Variants in CDH10 observed in about 807,000 individuals in gnomAD.
The protein encoded by CDH10 is cadherin-10.
CDH10 carries 30 observed loss-of-function variants against 73.1 expected under a neutral mutation model. The ratio of observed to expected loss-of-function variants is 0.41; its 90% confidence interval spans 0.31 to 0.56. The LOEUF is 0.56. Among genes scored for constraint, CDH10 ranks in the 20% least tolerant of loss-of-function variants. CDH10 has a pLI of 0.27. For missense variants in CDH10, 815 were observed against 973.7 expected (o/e 0.84, Z 2.17); for synonymous variants, 345 against 348.2 (o/e 0.99, Z 0.10).
Position 24,532,218 on chromosome 5 carries a change from A to G in CDH10, c.814+2894T>C, listed in dbSNP as rs185251050. Reference sequence around the variant, plus strand: ...GAATTTGGATCAGCCAACCTAAAGGAAAGTTTGAGTTGTGACCTAACTTTT... The same window carrying G: ...GAATTTGGATCAGCCAACCTAAAGGGAAGTTTGAGTTGTGACCTAACTTTT... On this transcript the variant is annotated intron_variant, in intron 5 of 11. Coordinates refer to ENST00000264463, the MANE Select transcript of CDH10 (RefSeq NM_006727.5). 2.7e-3 allele frequency among the ~76,000 whole-genome samples: 418 copies of G among 152,224 alleles called. 2 individuals carry two copies. The highest frequency in any genetic ancestry group is 3.9e-3 in the Non-Finnish European group (265 of 68,000).
chr5:24,506,686 A>T (rs1431445633), intron 7 of CDH10, among the ~76,000 whole-genome samples: 1 of 152,224 alleles, frequency 6.6e-6, no homozygotes, highest in Non-Finnish European at 1.5e-5. Context: ...CTTGAGAAAC[A>T]TGTTAATATC....
chr5:24,491,862 G>T (rs1742066033), intron 10 of CDH10, 35 bp from the exon 11 acceptor site: 1 of 1,441,522 alleles, frequency 6.9e-7, no homozygotes, highest in African/African-American at 1.4e-5. Context: ...AAATGGTTTG[G>T]GATAGTAAAT....
At chr5:24,642,775 C>G (rs186114899) in intron 1 of CDH10, among the ~76,000 whole-genome samples, 230 of 152,054 alleles carry the variant, frequency 1.5e-3, no homozygotes, top group African/African-American at 5.3e-3. Flanking sequence ...CTTCTTTTTT[C>G]CCATTTCCCA....
intron 8 of CDH10, among the ~76,000 whole-genome samples, chr5:24,504,569 G>A (rs559796325): frequency 1.5e-4 from 19 of 124,398 alleles, no homozygotes; most frequent in Non-Finnish European, 2.7e-4. Flanking sequence ...TCTGTCGCCC[G>A]GGCTGGAGTG....
chr5:24,590,261 T>C (rs1163754935), intron 2 of CDH10, among the ~76,000 whole-genome samples: 1 of 151,838 alleles, frequency 6.6e-6, no homozygotes, highest in African/African-American at 2.4e-5. Flanking sequence ...TTACTCTCCG[T>C]TCCCTTTCTC....
At position 24,519,256 on chromosome 5, in the gene CDH10, A is replaced by C. The variant is rs1435455921; in HGVS notation, c.815-7742T>G. ...TTTTTGGTTTTCACCAGCAATCCTAAATTTATAAAATAATTTTAGCAAAAG... is the reference window on the plus strand; with the variant it reads ...TTTTTGGTTTTCACCAGCAATCCTACATTTATAAAATAATTTTAGCAAAAG... On this transcript the variant is annotated intron_variant, in intron 5 of 11. Transcript: ENST00000264463. Among the ~76,000 whole-genome samples, 4 of 152,048 alleles carry C rather than the reference A, an allele frequency of 2.6e-5. No individual in the cohort carries two copies. The East Asian group carries it at 5.8e-4, about 22-fold the overall frequency.
intron 7 of CDH10, 77 bp from the exon 8 acceptor site, chr5:24,505,325 C>T (rs952407748): frequency 1.9e-6 from 2 of 1,039,630 alleles, no homozygotes; most frequent in African/African-American, 3.2e-5. Flanking sequence ...AATGCAAACC[C>T]ACACATATCA....
At chr5:24,596,389 G>A (rs919871606) in intron 1 of CDH10, among the ~76,000 whole-genome samples, 1 of 150,986 alleles carries the variant, frequency 6.6e-6, no homozygotes, top group Non-Finnish European at 1.5e-5. Context: ...TTGTCAGTGT[G>A]TCATCACACT....
At chr5:24,606,793 A>G (rs767516304) in intron 1 of CDH10, among the ~76,000 whole-genome samples, 2 of 152,238 alleles carry the variant, frequency 1.3e-5, no homozygotes, top group Non-Finnish European at 2.9e-5. Flanking sequence ...AAAACTTACT[A>G]CATATCCATT....
intron 5 of CDH10, among the ~76,000 whole-genome samples, chr5:24,525,494 T>C (rs1292718036): frequency 6.6e-6 from 1 of 152,096 alleles, no homozygotes; most frequent in Non-Finnish European, 1.5e-5. Context: ...AACCATTCCA[T>C]TGTATAATGC....
chr5:24,561,884 A>C (rs1744970218), intron 2 of CDH10, among the ~76,000 whole-genome samples: 1 of 152,180 alleles, frequency 6.6e-6, no homozygotes, highest in African/African-American at 2.4e-5. Flanking sequence ...GGCCAGGCTT[A>C]TGTTTCTCTT....
At chr5:24,642,814 T>C (rs1748096443) in intron 1 of CDH10, among the ~76,000 whole-genome samples, 1 of 152,102 alleles carries the variant, frequency 6.6e-6, no homozygotes, top group East Asian at 1.9e-4. Context: ...GTTGTTTTTT[T>C]TCCCCCAAAC....
At chr5:24,522,155 A>T (rs1743357020) in intron 5 of CDH10, among the ~76,000 whole-genome samples, 1 of 112,032 alleles carries the variant, frequency 8.9e-6, no homozygotes, top group African/African-American at 3.3e-5. Flanking sequence ...AAAACAAACA[A>T]AACAAACAAA....
intron 2 of CDH10, among the ~76,000 whole-genome samples, chr5:24,586,320 T>C (rs1038960633): frequency 1.3e-5 from 2 of 152,024 alleles, no homozygotes; most frequent in Admixed American, 1.3e-4. Flanking sequence ...TTGCCTACTG[T>C]GGATTAGAGC....
chr5:24,642,736 A>G (rs1243632768), intron 1 of CDH10, among the ~76,000 whole-genome samples: 1 of 152,130 alleles, frequency 6.6e-6, no homozygotes, highest in African/African-American at 2.4e-5. Context: ...ACACATATGC[A>G]TATGTAGGTG....
chr5:24,494,465 T>C (rs985741064), intron 9 of CDH10, among the ~76,000 whole-genome samples: 3 of 151,978 alleles, frequency 2.0e-5, no homozygotes, highest in African/African-American at 7.2e-5. Context: ...AAATCCTTAG[T>C]CATTAAGATT....
intron 8 of CDH10, chr5:24,499,462 C>A (rs556417269): frequency 6.6e-6 from 1 of 152,630 alleles, no homozygotes; most frequent in South Asian, 2.1e-4. Context: ...AAGGCAGGTG[C>A]ATCACTTGAG....
At chr5:24,626,648 C>T (rs1040376808) in intron 1 of CDH10, among the ~76,000 whole-genome samples, 3 of 151,728 alleles carry the variant, frequency 2.0e-5, no homozygotes, top group African/African-American at 7.3e-5. Context: ...TACTGGCATA[C>T]ACCTGTAATC....
intron 2 of CDH10, among the ~76,000 whole-genome samples, chr5:24,560,200 TTGTGTGTGTGTGTGTGTGTGTGTG>T (rs70965615): frequency 6.7e-6 from 1 of 148,246 alleles, no homozygotes; most frequent in Admixed American, 6.7e-5. Context: ...ATATTTGCAA[TTGTGTGTGTGTGTGTGTGTGTGTG>T]TGTGTGTGTG....
Sources: allele counts gnomAD v4.1 joint callset (sites outside exome capture counted in the v4.1 genomes callset), GRCh38; gene constraint gnomAD v4.1.1; transcripts MANE v1.5; gene names NCBI Gene and HGNC (gene_info 2026-07-23, HGNC 2026-07-21).